Variants in FMO5 observed in about 807,000 individuals in gnomAD.
FMO5 encodes flavin containing dimethylaniline monoxygenase 5.
Under a neutral mutation model 43.6 loss-of-function variants are expected in FMO5, and 51 were observed. The ratio of observed to expected loss-of-function variants is 1.17; its 90% CI spans 0.93 to 1.48. The LOEUF (loss-of-function observed/expected upper bound fraction) is 1.48. Among genes scored for constraint, FMO5 ranks in the 40% most tolerant of loss-of-function variants. The pLI, the probability that FMO5 is intolerant of heterozygous loss-of-function variation, is 0.00. For missense variants in FMO5, 644 were observed against 643.0 expected (o/e 1.00, Z -0.02); for synonymous variants, 187 against 216.5 (o/e 0.86, Z 1.20).
Position 147,215,807 on chromosome 1 carries a change from A to G in FMO5, c.271T>C (p.Tyr91His), listed in dbSNP as rs1661884380. Residue 91 changes from tyrosine (Y) to histidine (H), a missense_variant, in exon 3 of 9, where the codon TAT (tyrosine) becomes CAT (histidine). By Grantham distance (83) the Tyr-to-His change is moderately conservative (BLOSUM62 2). Coordinates refer to ENST00000254090, the MANE Select transcript of FMO5 (RefSeq NM_001461.4). ...AATTCTTTGGCATACATCCTGAAAT[A>G]CTCCAGGACCTGGGCATTATGCATG... ...NFMHNAQVLE[Y>H]FRMYAKEFDL... 6.2e-7 allele frequency: 1 copy of G among 1,613,408 alleles called. No individual in the cohort carries two copies. The highest frequency in any genetic ancestry group is 8.5e-7 in the Non-Finnish European group (1 of 1,179,768).
chr1:147,186,414 G>GTT lies in FMO5; in HGVS notation c.*485_*486insAA. On this transcript the variant is annotated 3_prime_UTR_variant, in exon 9 of 9. Transcript: ENST00000254090. ...ATCTTAGATACATACAACTATTGTA[G>GTT]GAACATTATTTCTCTTATCTCTCAG... 1 of 905,370 alleles carries GTT rather than the reference G, an allele frequency of 1.1e-6. No individual in the cohort carries two copies. Among genetic ancestry groups the GTT allele is most frequent in the African/African-American group, 1.8e-5 (1 of 55,642 alleles). The allele number at this position is 905,370 out of a possible 1,614,324, so 56.1% of individuals were successfully genotyped here.
At position 147,186,707 on chromosome 1, in the gene FMO5, T is replaced by G. The variant is rs1655673623; in HGVS notation, c.*193A>C. 7.1e-7 allele frequency: 1 copy of G among 1,404,194 alleles called. No homozygotes were observed. The highest frequency in any genetic ancestry group is 1.6e-5 in the South Asian group (1 of 61,520). 87.0% of individuals were successfully genotyped at this position (1,404,194 alleles called of 1,614,324 possible). ...ACAAGGAAGAGTGACGGATCATGAGTGGAAGGGAGATGAGTTAATACAAAT... is the reference window on the plus strand; with the variant it reads ...ACAAGGAAGAGTGACGGATCATGAGGGGAAGGGAGATGAGTTAATACAAAT... On this transcript the variant is annotated 3_prime_UTR_variant, in exon 9 of 9. Coordinates refer to ENST00000254090, the MANE Select transcript of FMO5 (RefSeq NM_001461.4).
At chr1:147,211,024 C>G (rs373931687) in intron 5 of FMO5, 1 of 152,162 alleles carries the variant, frequency 6.6e-6, no homozygotes, top group Admixed American at 6.5e-5. Context: ...ATACAATTTA[C>G]AAGTAAAGTA....
At position 147,212,448 on chromosome 1, in the gene FMO5, C is replaced by A; in HGVS notation, c.575G>T (p.Gly192Val). The A allele has an allele frequency of 1.2e-6, 2 of 1,614,014 alleles. No homozygotes were observed. The change falls in exon 5 of 9, where the codon GGC (glycine) becomes GTC (valine). Residue 192 changes from glycine to valine, a missense_variant. Transcript: ENST00000254090. Reference sequence around the variant, plus strand: ...CAGATCCCCTCCAGAATTCCCAATGCCAATTATAATGACTCTCTTTCCAGT... The same window carrying A: ...CAGATCCCCTCCAGAATTCCCAATGACAATTATAATGACTCTCTTTCCAGT... ...GFTGKRVIII[G>V]IGNSGGDLAV...
At chr1:147,213,517 T>C in intron 3 of FMO5, 47 bp from the exon 4 acceptor site, 2 of 1,515,396 alleles carry the variant, frequency 1.3e-6, no homozygotes, top group East Asian at 2.3e-5. Context: ...GACATGACTC[T>C]CCTTGCATAG....
chr1:147,199,275 G>T (rs1441407595), intron 7 of FMO5, among the ~76,000 whole-genome samples: 1 of 152,100 alleles, frequency 6.6e-6, no homozygotes, highest in Admixed American at 6.6e-5. Context: ...TTTAAAATTG[G>T]CATAGTGAAG....
At chr1:147,191,290 A>G (rs1227360557) in intron 7 of FMO5, among the ~76,000 whole-genome samples, 1 of 151,672 alleles carries the variant, frequency 6.6e-6, no homozygotes, top group East Asian at 1.9e-4. Flanking sequence ...ACTAGTTTAC[A>G]GTCCCACCAA....
At chr1:147,226,600 G>A (rs1232428410), upstream of FMO5, among the ~76,000 whole-genome samples, 1 of 152,098 alleles carries the variant, frequency 6.6e-6, no homozygotes, top group African/African-American at 2.4e-5. Context: ...TCCAGACAAG[G>A]GTTCTATTTG....
At chr1:147,197,496 T>C (rs1028223902) in intron 7 of FMO5, among the ~76,000 whole-genome samples, 1 of 152,104 alleles carries the variant, frequency 6.6e-6, no homozygotes, top group African/African-American at 2.4e-5. Context: ...GGGAGGGGCC[T>C]GGTGGGAGGT....
Position 147,203,863 on chromosome 1 carries a change from ATC to A in FMO5, c.831-2361_831-2360del. ...CATGCTTAAAAACCACCACCTGAGT[ATC>A]TCCAACTTCTGAGAGGTAAACACTG... On this transcript the variant is annotated intron_variant, in intron 6 of 8. Transcript: ENST00000254090. 8 of 1,582,144 alleles carry A rather than the reference ATC, an allele frequency of 5.1e-6. No individual in the cohort carries two copies. In the South Asian group the frequency reaches 8.9e-5, roughly 18 times the overall value.
At chr1:147,205,067 T>C (rs1435128120) in intron 6 of FMO5, 2 of 624,814 alleles carry the variant, frequency 3.2e-6, no homozygotes, top group Non-Finnish European at 5.7e-6. Context: ...CATACCAGAC[T>C]ACATGCAAGT....
At chr1:147,218,893 G>A (rs2120005) in intron 2 of FMO5, among the ~76,000 whole-genome samples, 6 of 152,114 alleles carry the variant, frequency 3.9e-5, no homozygotes, top group Non-Finnish European at 5.9e-5. Context: ...AATTTCTCCA[G>A]AGAATTAGAT....
downstream of FMO5, chr1:147,184,679 T>G: frequency 6.9e-7 from 1 of 1,443,734 alleles, no homozygotes; most frequent in African/African-American, 1.4e-5. This position sits in a 1 kb window ranked among gnomAD's most constrained non-coding sequence, Gnocchi z 4.4. Flanking sequence ...AAAGTGGCCT[T>G]CTCATCACTT....
At chr1:147,209,155 C>T in intron 5 of FMO5, 104 bp from the exon 6 acceptor site, 7 of 913,822 alleles carry the variant, frequency 7.7e-6, no homozygotes, top group Non-Finnish European at 1.1e-5. Context: ...CGCGGTGGCT[C>T]ACGCCTGTAA....
At chr1:147,204,019 T>C in intron 6 of FMO5, 4 of 1,193,336 alleles carry the variant, frequency 3.4e-6, no homozygotes. Context: ...TATATTTGTT[T>C]GCATAATGAA....
chr1:147,209,977 G>A (rs1053865571), intron 5 of FMO5: 1 of 152,188 alleles, frequency 6.6e-6, no homozygotes, highest in African/African-American at 2.4e-5. Flanking sequence ...TCAAGGATAG[G>A]AGATAAAGCC....
At chr1:147,212,583 A>C in intron 4 of FMO5, 48 bp from the exon 5 acceptor site, 1 of 1,533,102 alleles carries the variant, frequency 6.5e-7, no homozygotes, top group Non-Finnish European at 8.9e-7. Context: ...TACATGATAG[A>C]TATCATTTGT....
intron 7 of FMO5, among the ~76,000 whole-genome samples, chr1:147,196,533 T>C (rs1658040016): frequency 6.6e-6 from 1 of 151,984 alleles, no homozygotes; most frequent in Non-Finnish European, 1.5e-5. Flanking sequence ...TATCTGTCTA[T>C]ATATAGATAG....
chr1:147,191,292 T>G (rs1553918399), intron 7 of FMO5, among the ~76,000 whole-genome samples: 1 of 151,578 alleles, frequency 6.6e-6, no homozygotes, highest in Non-Finnish European at 1.5e-5. Flanking sequence ...TAGTTTACAG[T>G]CCCACCAACA....
Sources: allele counts gnomAD v4.1 joint callset (sites outside exome capture counted in the v4.1 genomes callset), GRCh38; gene constraint gnomAD v4.1.1; non-coding constraint Gnocchi (gnomAD v3.1); transcripts MANE v1.5; gene names NCBI Gene and HGNC (gene_info 2026-07-23, HGNC 2026-07-21).